WWOX: variants seen among roughly 807,000 people sequenced by gnomAD.
WWOX encodes the protein WW domain-containing oxidoreductase.
In WWOX, 69 loss-of-function variants were observed where a neutral mutation model predicts 46.2. The observed-to-expected ratio is 1.49, with a 90% CI of 1.23 to 1.82. The LOEUF (loss-of-function observed/expected upper bound fraction) is 1.82, where lower values mean the gene tolerates loss of function less well. Ranked by LOEUF, WWOX falls within the 40% of genes most tolerant of loss-of-function variation. The pLI is 0.00. For synonymous variants in WWOX, 359 were observed against 202.6 expected, an observed-to-expected ratio of 1.77 and a Z score of -6.56; for missense variants, 919 against 542.6, an observed-to-expected ratio of 1.69 and a Z score of -6.89.
chr16:78,520,565 GT>G (rs2043326324), intron 8 of WWOX, among the ~76,000 whole-genome samples: 1 of 152,004 alleles, frequency 6.6e-6, no homozygotes, highest in African/African-American at 2.4e-5. Context: ...CAGATTGGCA[GT>G]GGATGTCAGG....
chr16:78,118,601 G>T (rs1188485481), intron 4 of WWOX, among the ~76,000 whole-genome samples: 1 of 152,056 alleles, frequency 6.6e-6, no homozygotes, highest in Non-Finnish European at 1.5e-5. Context: ...AAAATAATAT[G>T]GCCCTTTGCT....
At chr16:78,170,676 C>G (rs973289409) in intron 5 of WWOX, among the ~76,000 whole-genome samples, 1 of 152,182 alleles carries the variant, frequency 6.6e-6, no homozygotes, top group Non-Finnish European at 1.5e-5. Flanking sequence ...ACTCAACTGT[C>G]ATTTGAAAAG....
intron 8 of WWOX, among the ~76,000 whole-genome samples, chr16:78,611,457 C>T (rs551649554): frequency 4.6e-5 from 7 of 152,252 alleles, no homozygotes; most frequent in African/African-American, 1.7e-4. Context: ...TGAAATGAGC[C>T]TGGTCATATG....
chr16:78,879,657 C>T (rs1035289914), intron 8 of WWOX, among the ~76,000 whole-genome samples: 2 of 152,158 alleles, frequency 1.3e-5, no homozygotes, highest in South Asian at 2.1e-4. Context: ...GCAGGCGGAT[C>T]ACCTAAGGTC....
rs189760238 is a variant in WWOX at position 78,474,369 on chromosome 16, C to T, written c.1056+41617C>T. On this transcript the variant is annotated intron_variant, in intron 8 of 8. Coordinates refer to ENST00000566780, the MANE Select transcript of WWOX (RefSeq NM_016373.4). ...TAGCTTATGTTTGCACATCTTACCC[C>T]GATGCACTCTCTAAACCGATCATCA... Among the ~76,000 whole-genome samples, 36 of 152,308 alleles carry T rather than the reference C, an allele frequency of 2.4e-4. 1 individual carries two copies. Among genetic ancestry groups the T allele is most frequent in the Admixed American group, 9.8e-4 (15 of 15,302 alleles).
chr16:78,431,927 G>C (rs1164699069), intron 7 of WWOX, among the ~76,000 whole-genome samples: 2 of 152,032 alleles, frequency 1.3e-5, no homozygotes, highest in African/African-American at 2.4e-5. Context: ...TGTTGCCTAA[G>C]CTGGTCTTGA....
intron 8 of WWOX, among the ~76,000 whole-genome samples, chr16:78,817,924 C>G (rs370796201): frequency 3.3e-5 from 5 of 152,156 alleles, no homozygotes; most frequent in Non-Finnish European, 7.3e-5. Flanking sequence ...GAAGGAGACT[C>G]TGAGTGCAAG....
At chr16:79,115,222 G>T (rs549771140) in intron 8 of WWOX, among the ~76,000 whole-genome samples, 1 of 152,304 alleles carries the variant, frequency 6.6e-6, no homozygotes, top group East Asian at 1.9e-4. Flanking sequence ...CCTTTACTTG[G>T]CTGGAATTCT....
In WWOX at chr16:79,010,897, G is replaced by A. The variant is rs556223538; in HGVS notation, c.1057-200711G>A. Among the ~76,000 whole-genome samples the A allele has an allele frequency of 2.6e-5, 4 of 152,102 alleles. No individual in the cohort carries two copies. In the East Asian group the frequency reaches 5.8e-4, roughly 22 times the overall value. ...GGGAACAGAGAGCGAGAGGGCAGAC[G>A]GGGTCATGTTGTGTGGGACCTCGGA... On this transcript the variant is annotated intron_variant, in intron 8 of 8. Coordinates refer to ENST00000566780, the MANE Select transcript of WWOX (RefSeq NM_016373.4).
chr16:78,363,924 T>G lies in WWOX; in HGVS notation c.517-22936T>G, dbSNP rs2081471706. Among the ~76,000 whole-genome samples the G allele has an allele frequency of 2.0e-5, 3 of 152,214 alleles. No individual in the cohort carries two copies. The South Asian group carries it at 6.2e-4, about 32-fold the overall frequency. On this transcript the variant is annotated intron_variant, in intron 5 of 8. Transcript: ENST00000566780. ...CCAGGCCGTCTCTCCGCCATCTTGT[T>G]GTGATGCTTCCGGAAGAATGCCTGT...
chr16:79,153,559 A>G (rs1040307255), intron 8 of WWOX, among the ~76,000 whole-genome samples: 3 of 152,214 alleles, frequency 2.0e-5, no homozygotes, highest in Admixed American at 2.0e-4. Context: ...TACACTGAGT[A>G]ACAATCCTAA....
chr16:78,297,792 C>T (rs1289235127), intron 5 of WWOX, among the ~76,000 whole-genome samples: 1 of 152,146 alleles, frequency 6.6e-6, no homozygotes, highest in Non-Finnish European at 1.5e-5. Flanking sequence ...ATAAAACCCT[C>T]CCTTTAATAG....
At position 78,384,263 on chromosome 16, in the gene WWOX, G is replaced by C. The variant is rs748423395; in HGVS notation, c.517-2597G>C. The stretch of plus-strand genomic sequence containing the variant: ...TTGTGATACATTCACATTTCTGTAA[G>C]ATTCTGCACGTGGCAGTGAGTGTCA... On this transcript the variant is annotated intron_variant, in intron 5 of 8. Coordinates refer to ENST00000566780, the MANE Select transcript of WWOX (RefSeq NM_016373.4). Among the ~76,000 whole-genome samples, 7 of 152,226 alleles carry C rather than the reference G, an allele frequency of 4.6e-5. No homozygotes were observed. In the East Asian group the frequency reaches 9.7e-4, roughly 21 times the overall value.
intron 8 of WWOX, among the ~76,000 whole-genome samples, chr16:78,871,443 G>A (rs2044126638): frequency 6.6e-6 from 1 of 152,192 alleles, no homozygotes; most frequent in Non-Finnish European, 1.5e-5. Context: ...TGAAGCTTGT[G>A]TCCACCACAG....
At chr16:78,214,998 T>A (rs1392503459) in intron 5 of WWOX, among the ~76,000 whole-genome samples, 1 of 152,200 alleles carries the variant, frequency 6.6e-6, no homozygotes, top group Non-Finnish European at 1.5e-5. Context: ...AAGAGGATTG[T>A]CTTTGCTGTT....
At chr16:79,075,855 A>C (rs1473472910) in intron 8 of WWOX, among the ~76,000 whole-genome samples, 1 of 152,202 alleles carries the variant, frequency 6.6e-6, no homozygotes, top group African/African-American at 2.4e-5. Flanking sequence ...ATCTCAAAAA[A>C]ACATATTAAG....
intron 8 of WWOX, among the ~76,000 whole-genome samples, chr16:78,719,612 C>G (rs2048646230): frequency 6.6e-6 from 1 of 152,136 alleles, no homozygotes; most frequent in African/African-American, 2.4e-5. Flanking sequence ...TTTGGAAGAG[C>G]CTTTTTAATA....
At chr16:78,812,719 C>G (rs1406471214) in intron 8 of WWOX, among the ~76,000 whole-genome samples, 2 of 150,372 alleles carry the variant, frequency 1.3e-5, no homozygotes, top group African/African-American at 5.0e-5. Context: ...GAATGAGACT[C>G]CATCCTCCCA....
At chr16:78,109,756 A>G (rs2151667669) in intron 2 of WWOX, 22 bp from the exon 3 acceptor site, 1 of 1,613,992 alleles carries the variant, frequency 6.2e-7, no homozygotes. Flanking sequence ...GCACCTGTAG[A>G]CCTGTCTTTC....
Sources: allele counts gnomAD v4.1 joint callset (sites outside exome capture counted in the v4.1 genomes callset), GRCh38; gene constraint gnomAD v4.1.1; transcripts MANE v1.5; gene names NCBI Gene and HGNC (gene_info 2026-07-23, HGNC 2026-07-21).